SH3TC2: variants seen among roughly 807,000 people sequenced by gnomAD.
SH3TC2 encodes SH3 domain and tetratricopeptide repeats 2, also known as SH3 domain and tetratricopeptide repeat-containing protein 2.
SH3TC2 carries 87 observed loss-of-function variants against 124.5 expected under a neutral mutation model. That is an observed-to-expected ratio of 0.70 (90% CI 0.59 to 0.84). The LOEUF (loss-of-function observed/expected upper bound fraction) is 0.84. Ranked by LOEUF, SH3TC2 falls within the 40% of genes least tolerant of loss-of-function variation. The probability of loss-of-function intolerance (pLI) is 0.00; values close to 1 mark genes in which losing one functional copy is unlikely to be tolerated. For synonymous variants in SH3TC2, 634 were observed against 628.5 expected, an observed-to-expected ratio of 1.01 and a Z score of -0.13; for missense variants, 1,536 against 1,566.4, an observed-to-expected ratio of 0.98 and a Z score of 0.33.
chr5:148,987,856 T>TGTGTGTGTGTGTG lies in SH3TC2; in HGVS notation c.*16854_*16855insCACACACACACAC, dbSNP rs60228802. ...GTGTGTGTGTGTGTGTGTGTGTGTG[T>TGTGTGTGTGTGTG]TCTTTAGATCATGAAACTTCTCATC... On this transcript the variant is annotated 3_prime_UTR_variant, in exon 17 of 17. Transcript: ENST00000515425. 6.9e-6 allele frequency among the ~76,000 whole-genome samples: 1 copy of TGTGTGTGTGTGTG among 144,458 alleles called. No individual in the cohort carries two copies. The highest frequency in any genetic ancestry group is 1.5e-5 in the Non-Finnish European group (1 of 65,754). The allele number at this position is 144,458 out of a possible 152,430, so 94.8% of individuals were successfully genotyped here. A position where few individuals can be genotyped will look rare whatever the true frequency, so the allele number is the denominator to read the frequency against.
chr5:149,009,788 T>C (rs1753753820), intron 14 of SH3TC2, among the ~76,000 whole-genome samples: 1 of 152,222 alleles, frequency 6.6e-6, no homozygotes, highest in Non-Finnish European at 1.5e-5. Flanking sequence ...ATAATATCTG[T>C]GAAGTCATAG....
At chr5:149,033,056 G>C (rs1470891015) in intron 8 of SH3TC2, among the ~76,000 whole-genome samples, 3 of 151,984 alleles carry the variant, frequency 2.0e-5, no homozygotes, top group Non-Finnish European at 1.5e-5. Context: ...CAACTTTATG[G>C]TGCAGGTTTT....
chr5:149,052,609 G>A (rs1393270275), intron 1 of SH3TC2, among the ~76,000 whole-genome samples: 1 of 152,170 alleles, frequency 6.6e-6, no homozygotes, highest in East Asian at 1.9e-4. Context: ...ATAATGGAAG[G>A]GCTGGAGTGG....
At position 149,027,852 on chromosome 5, in the gene SH3TC2, C is replaced by T. The variant is rs1380546665; in HGVS notation, c.1880G>A (p.Gly627Asp). 2 of 1,613,884 alleles carry T rather than the reference C, an allele frequency of 1.2e-6. No homozygotes were observed. Among genetic ancestry groups the T allele is most frequent in the South Asian group, 1.1e-5 (1 of 91,084 alleles). ...GGCCCTGGCCTCCAGCGGGCTGCTG[C>T]CCACCACAATCCCCTGGCGCAGCAC... ...AYVLRQGIVV[G>D]SSPLEARACF... Residue 627 changes from glycine (G) to aspartate (D), a missense_variant, in exon 11 of 17, where the codon GGC becomes GAC. Around this residue, in one of 3 missense-constraint regions of SH3TC2, gnomAD observed 1,102 missense variants for 1,098.6 expected, o/e 1.00. Coordinates refer to ENST00000515425, the MANE Select transcript of SH3TC2 (RefSeq NM_024577.4).
rs556527140 is a variant in SH3TC2, at chr5:148,998,607, G to A, written c.*6104C>T. 5.3e-5 allele frequency among the ~76,000 whole-genome samples: 8 copies of A among 152,300 alleles called. No individual in the cohort carries two copies. Among genetic ancestry groups the A allele is most frequent in the South Asian group, 2.1e-4 (1 of 4,826 alleles). Reference sequence around the variant, plus strand: ...AGCATCCTTCCCTCTCACCTGCCTCGCAGTCTGTACTGGGAAGCCAAGCCA... The same window carrying A: ...AGCATCCTTCCCTCTCACCTGCCTCACAGTCTGTACTGGGAAGCCAAGCCA... On this transcript the variant is annotated 3_prime_UTR_variant, in exon 17 of 17. Transcript: ENST00000515425.
intron 1 of SH3TC2, among the ~76,000 whole-genome samples, chr5:149,062,587 G>A (rs562880014): frequency 6.6e-6 from 1 of 152,274 alleles, no homozygotes; most frequent in Admixed American, 6.5e-5. Flanking sequence ...GAATGACTAA[G>A]GCCAAGTTTA....
chr5:149,011,202 G>A (rs1753777321), intron 13 of SH3TC2, among the ~76,000 whole-genome samples: 1 of 152,236 alleles, frequency 6.6e-6, no homozygotes, highest in African/African-American at 2.4e-5. Flanking sequence ...CTGGGGTTGG[G>A]TGAGGCCTGG....
In SH3TC2 at chr5:149,007,199, G is replaced by C. The variant is rs572225346; in HGVS notation, c.3479-122C>G. 1.1e-5 allele frequency: 10 copies of C among 883,934 alleles called. No homozygotes were observed. The East Asian group carries it at 1.7e-4, about 15-fold the overall frequency. The allele number at this position is 883,934 out of a possible 1,614,324, so 54.8% of individuals were successfully genotyped here. The stretch of plus-strand genomic sequence containing the variant: ...ATGTCAGGGACTGTGCTGGGGCATA[G>C]GAAATAAGACAGAAGAGGTGCCTGT... On this transcript the variant is annotated intron_variant, in intron 15 of 16. Coordinates refer to ENST00000515425, the MANE Select transcript of SH3TC2 (RefSeq NM_024577.4).
chr5:149,026,310 C>T (rs1311236135), intron 12 of SH3TC2: 8 of 522,374 alleles, frequency 1.5e-5, no homozygotes, highest in Non-Finnish European at 2.4e-5. Context: ...ATTTATCCTT[C>T]ACAATAACAC....
chr5:149,009,473 G>T (rs1011528577), intron 14 of SH3TC2, among the ~76,000 whole-genome samples: 1 of 152,168 alleles, frequency 6.6e-6, no homozygotes, highest in Admixed American at 6.5e-5. Context: ...TCTACAAAAT[G>T]CATATGAAAA....
chr5:149,053,651 A>T (rs1244796235), intron 1 of SH3TC2, among the ~76,000 whole-genome samples: 1 of 152,216 alleles, frequency 6.6e-6, no homozygotes, highest in Non-Finnish European at 1.5e-5. Context: ...GCACAAATCA[A>T]ATCTTCCCAT....
rs147517537 is a variant in SH3TC2, at chr5:149,061,837, A to T, written c.52+1134T>A. On this transcript the variant is annotated intron_variant, in intron 1 of 16. Coordinates refer to ENST00000515425, the MANE Select transcript of SH3TC2 (RefSeq NM_024577.4). ...GGGGGAGGGACTGAAAAGTGTTTAC[A>T]TCTGAGAAATCTGGAGAAGCGAAAT... Among the ~76,000 whole-genome samples the T allele has an allele frequency of 3.4e-3, 522 of 152,280 alleles. 1 individual carries two copies. The highest frequency in any genetic ancestry group is 0.012 in the African/African-American group (515 of 41,554).
chr5:149,004,493 G>A lies in SH3TC2; in HGVS notation c.*218C>T, dbSNP rs1561755922. The A allele has an allele frequency of 5.1e-6, 3 of 584,656 alleles. No homozygotes were observed. The highest frequency in any genetic ancestry group is 6.0e-6 in the Non-Finnish European group (2 of 332,528). 36.2% of individuals were successfully genotyped at this position (584,656 alleles called of 1,614,324 possible). A position where few individuals can be genotyped will look rare whatever the true frequency, so the allele number is the denominator to read the frequency against. ...CAACAGTCAACCGGTAAAGGCTCCA[G>A]ATGCAAAGCCTGGAACCAGGAATTC... On this transcript the variant is annotated 3_prime_UTR_variant, in exon 17 of 17. Transcript: ENST00000515425.
chr5:148,994,060 C>A lies in SH3TC2; in HGVS notation c.*10651G>T, dbSNP rs1429236972. Among the ~76,000 whole-genome samples the A allele has an allele frequency of 6.6e-6, 1 of 152,218 alleles. No individual in the cohort carries two copies. Among genetic ancestry groups the A allele is most frequent in the Non-Finnish European group, 1.5e-5 (1 of 68,042 alleles). On this transcript the variant is annotated 3_prime_UTR_variant, in exon 17 of 17. Coordinates refer to ENST00000515425, the MANE Select transcript of SH3TC2 (RefSeq NM_024577.4). Reference sequence around the variant, plus strand: ...TGCCTGAGGTCACACATTTCATAAGCAGTGGAGCTGTTCAGTCTACTACCA... The same window carrying A: ...TGCCTGAGGTCACACATTTCATAAGAAGTGGAGCTGTTCAGTCTACTACCA...
chr5:149,047,101 T>C (rs1275361092), intron 3 of SH3TC2: 1 of 152,290 alleles, frequency 6.6e-6, no homozygotes, highest in African/African-American at 2.4e-5. Context: ...TTTCCATTTC[T>C]GACTTTAGTT....
rs1753337237 is a variant in SH3TC2 at position 148,986,659 on chromosome 5, A to G, written c.*18052T>C. 6.6e-6 allele frequency among the ~76,000 whole-genome samples: 1 copy of G among 152,206 alleles called. No individual in the cohort carries two copies. The highest frequency in any genetic ancestry group is 1.5e-5 in the Non-Finnish European group (1 of 68,032). On this transcript the variant is annotated 3_prime_UTR_variant, in exon 17 of 17. Coordinates refer to ENST00000515425, the MANE Select transcript of SH3TC2 (RefSeq NM_024577.4). ...TACACAACAGGTTTGAGTACATGAC[A>G]GATACCTTTTTTGACAAATTATTAA...
chr5:149,036,223 T>C (rs1754280709), intron 8 of SH3TC2, among the ~76,000 whole-genome samples: 1 of 152,218 alleles, frequency 6.6e-6, no homozygotes, highest in Admixed American at 6.5e-5. Context: ...CACATGGTCA[T>C]GAATGCCTTT....
intron 1 of SH3TC2, 55 bp from the exon 2 acceptor site, chr5:149,052,295 G>T (rs1179387349): frequency 2.8e-5 from 39 of 1,374,846 alleles, no homozygotes; most frequent in Non-Finnish European, 2.3e-5. Context: ...TTGAAAGCAA[G>T]TTATAAGCAA....
intron 8 of SH3TC2, among the ~76,000 whole-genome samples, chr5:149,032,630 C>T (rs868413807): frequency 2.6e-5 from 4 of 152,304 alleles, no homozygotes; most frequent in East Asian, 3.9e-4. Flanking sequence ...ATACAAGGCA[C>T]GTACTACTCT....
Sources: gnomAD v4.1 joint callset for allele counts (sites outside exome capture counted in the v4.1 genomes callset) on GRCh38, gnomAD v4.1.1 for gene constraint, gnomAD v4.1.1 regional missense constraint, MANE v1.5 for transcripts, NCBI Gene and HGNC (gene_info 2026-07-23, HGNC 2026-07-21) for gene names.